The following ITGA2 variants were observed in gnomAD, a reference collection of about 807,000 sequenced individuals.
ITGA2 encodes the protein integrin alpha-2.
In ITGA2, 101 loss-of-function variants were observed where a neutral mutation model predicts 146.3. That is an observed-to-expected ratio of 0.69 (90% CI 0.59 to 0.81). The LOEUF (loss-of-function observed/expected upper bound fraction) is 0.81. ITGA2 is among the 40% of genes least tolerant of loss of function. The pLI is 0.00. For missense variants in ITGA2, 1,281 were observed against 1,402.7 expected (o/e 0.91, Z 1.39); for synonymous variants, 477 against 487.1 (o/e 0.98, Z 0.27).
intron 2 of ITGA2, among the ~76,000 whole-genome samples, chr5:53,028,421 C>A (rs1379588981): frequency 2.6e-5 from 4 of 152,092 alleles, no homozygotes; most frequent in Non-Finnish European, 4.4e-5. Context: ...GGTTGGAAAC[C>A]AAAGATTGGC....
At chr5:53,017,913 G>A (rs1348114237) in intron 1 of ITGA2, among the ~76,000 whole-genome samples, 2 of 152,112 alleles carry the variant, frequency 1.3e-5, no homozygotes, top group Admixed American at 1.3e-4. Context: ...GGCTGCGGTT[G>A]GGGAGGCTGT....
intron 3 of ITGA2, among the ~76,000 whole-genome samples, chr5:53,044,625 A>T (rs951751545): frequency 1.3e-5 from 2 of 151,986 alleles, no homozygotes; most frequent in South Asian, 4.2e-4. Context: ...GGATATTTTT[A>T]CTGACCCAGA....
chr5:53,033,764 ATTT>A (rs138567152), intron 2 of ITGA2, among the ~76,000 whole-genome samples: 94 of 135,856 alleles, frequency 6.9e-4, no homozygotes, highest in Middle Eastern at 3.9e-3. Flanking sequence ...TACTAGGCTA[ATTT>A]TTTTTTTTTT....
intron 1 of ITGA2, among the ~76,000 whole-genome samples, chr5:52,990,566 TG>T (rs1419203545): frequency 1.1e-4 from 7 of 64,912 alleles, no homozygotes; most frequent in South Asian, 9.1e-4. Flanking sequence ...AGTGTGTGTG[TG>T]GTTTTTTTTT....
rs1445375260 is a variant in ITGA2, at chr5:53,065,857, A to G, written c.1823A>G (p.Asp608Gly). 6.2e-7 allele frequency: 1 copy of G among 1,611,926 alleles called. No individual in the cohort carries two copies. The highest frequency in any genetic ancestry group is 1.1e-5 in the South Asian group (1 of 91,050). Residue 608 changes from aspartate to glycine, a missense_variant, in exon 15 of 30, where the codon GAT becomes GGT. Physicochemically the swap from Asp to Gly is moderately conservative, Grantham distance 94. Transcript: ENST00000296585. ...CTCTTTTAGAAAATCTTGGGATCCGATGGAGCCTTTAGGAGCCATCTCCAG... is the reference window on the plus strand; with the variant it reads ...CTCTTTTAGAAAATCTTGGGATCCGGTGGAGCCTTTAGGAGCCATCTCCAG... ...TKYSQKILGSDGAFRSHLQYF... is the reference protein window; with the variant it reads ...TKYSQKILGSGGAFRSHLQYF...
intron 28 of ITGA2, 63 bp from the exon 29 acceptor site, chr5:53,089,883 C>A (rs1015570819): frequency 2.5e-5 from 24 of 958,284 alleles, no homozygotes; most frequent in Non-Finnish European, 3.6e-5. Flanking sequence ...GAGAATTGGA[C>A]TAGACCATCT....
rs748727832 is a variant in ITGA2 at position 53,042,092 on chromosome 5, T to TA, written c.186-12dup. Reference sequence around the variant, plus strand: ...ACTATACTTAACACTTTGTGTCTAATAAAAAAAATGTGTTTCTAGGTTACT... The same window carrying TA: ...ACTATACTTAACACTTTGTGTCTAATAAAAAAAAATGTGTTTCTAGGTTACT... On this transcript the variant is annotated intron_variant, in intron 2 of 29. Transcript: ENST00000296585. 2.7e-5 allele frequency: 38 copies of TA among 1,425,560 alleles called. No homozygotes were observed. The highest frequency in any genetic ancestry group is 1.7e-4 in the Middle Eastern group (1 of 5,726). The allele number at this position is 1,425,560 out of a possible 1,614,324, so 88.3% of individuals were successfully genotyped here.
At chr5:53,060,363 T>C (rs1489028020) in intron 11 of ITGA2, among the ~76,000 whole-genome samples, 1 of 151,980 alleles carries the variant, frequency 6.6e-6, no homozygotes, top group African/African-American at 2.4e-5. Flanking sequence ...AAGCAGCCAC[T>C]GATTTTGCAG....
At chr5:53,015,376 T>C (rs973988101) in intron 1 of ITGA2, among the ~76,000 whole-genome samples, 18 of 152,220 alleles carry the variant, frequency 1.2e-4, no homozygotes, top group African/African-American at 3.9e-4. Context: ...AGGAGCAGGA[T>C]GTTTACTTTA....
chr5:53,017,242 T>C (rs976975332), intron 1 of ITGA2, among the ~76,000 whole-genome samples: 1 of 152,250 alleles, frequency 6.6e-6, no homozygotes, highest in Non-Finnish European at 1.5e-5. Flanking sequence ...TTGAAATTGC[T>C]ACTTTTTGGA....
intron 13 of ITGA2, among the ~76,000 whole-genome samples, chr5:53,064,247 C>G (rs1745037356): frequency 6.6e-6 from 1 of 151,720 alleles, no homozygotes; most frequent in South Asian, 2.1e-4. Context: ...TAATTTCATT[C>G]AAGATATTAG....
Position 53,058,039 on chromosome 5 carries a change from G to A in ITGA2, c.1111G>A (p.Gly371Arg), listed in dbSNP as rs1486311199. The A allele has an allele frequency of 6.2e-7, 1 of 1,610,864 alleles. No homozygotes were observed. The highest frequency in any genetic ancestry group is 1.7e-5 in the Admixed American group (1 of 59,820). The change falls in exon 10 of 30, where the codon GGA (glycine) becomes AGA (arginine). Residue 371 changes from glycine (G) to arginine (R), a missense_variant. Around this residue, in one of 3 missense-constraint regions of ITGA2, gnomAD observed 795 missense variants for 841.7 expected, o/e 0.94. Transcript: ENST00000296585. Reference sequence around the variant, plus strand: ...GAATGTTCCAGGTACTGTTCAAGGAGGAGACAACTTTCAGATGGAAATGTC... The same window carrying A: ...GAATGTTCCAGGTACTGTTCAAGGAAGAGACAACTTTCAGATGGAAATGTC... ...IFSIEGTVQG[G>R]DNFQMEMSQV...
chr5:53,051,669 C>T lies in ITGA2; in HGVS notation c.779+110C>T, dbSNP rs1744372296. On this transcript the variant is annotated intron_variant, in intron 7 of 29. Transcript: ENST00000296585. ...CAAAGAAAAATAATATACCTGGTACCTAATTTAAATCAGAACTAATAAAGA... is the reference window on the plus strand; with the variant it reads ...CAAAGAAAAATAATATACCTGGTACTTAATTTAAATCAGAACTAATAAAGA... 10 of 1,114,562 alleles carry T rather than the reference C, an allele frequency of 9.0e-6. 1 individual carries two copies. The South Asian group carries it at 1.4e-4, about 15-fold the overall frequency. The allele number at this position is 1,114,562 out of a possible 1,614,324, so 69.0% of individuals were successfully genotyped here. A position where few individuals can be genotyped will look rare whatever the true frequency, so the allele number is the denominator to read the frequency against.
chr5:53,058,204 GCCCTT>G, intron 10 of ITGA2, 103 bp downstream of exon 10: 6 of 850,454 alleles, frequency 7.1e-6, no homozygotes, highest in South Asian at 1.4e-5. Context: ...CTAGGGATCA[GCCCTT>G]CTGATTCCTA....
chr5:53,001,671 C>T (rs1440979565), intron 1 of ITGA2, among the ~76,000 whole-genome samples: 1 of 152,002 alleles, frequency 6.6e-6, no homozygotes, highest in Non-Finnish European at 1.5e-5. Context: ...TCTGTTTCTA[C>T]AAAAGAAAAA....
rs1745785517 is a variant in ITGA2, at chr5:53,078,967, T to G, written c.2928+93T>G. 5 of 775,930 alleles carry G rather than the reference T, an allele frequency of 6.4e-6. No homozygotes were observed. The Admixed American group carries it at 7.8e-5, about 12-fold the overall frequency. 48.1% of individuals were successfully genotyped at this position (775,930 alleles called of 1,614,324 possible). ...ATAAAAGGAGAAAGTAAAAAGAAAT[T>G]GAAAGAGATCCGTGGTTCTCAAACT... On this transcript the variant is annotated intron_variant, in intron 24 of 29. Coordinates refer to ENST00000296585, the MANE Select transcript of ITGA2 (RefSeq NM_002203.4).
At chr5:53,020,565 A>G (rs1579808346) in intron 1 of ITGA2, among the ~76,000 whole-genome samples, 1 of 152,122 alleles carries the variant, frequency 6.6e-6, no homozygotes, top group Non-Finnish European at 1.5e-5. Context: ...CACACTGCAA[A>G]TGATGTTGAA....
At chr5:53,003,846 C>T (rs3212398) in intron 1 of ITGA2, among the ~76,000 whole-genome samples, 116 of 152,140 alleles carry the variant, frequency 7.6e-4, no homozygotes, top group African/African-American at 2.7e-3. Context: ...AGTCTCACGA[C>T]GTTTGCCCAG....
At chr5:53,000,083 A>G (rs1741488636) in intron 1 of ITGA2, among the ~76,000 whole-genome samples, 1 of 152,190 alleles carries the variant, frequency 6.6e-6, no homozygotes, top group African/African-American at 2.4e-5. Flanking sequence ...ATACACACAC[A>G]CAATTATACA....
Sources: gnomAD v4.1 joint callset for allele counts (sites outside exome capture counted in the v4.1 genomes callset) on GRCh38, gnomAD v4.1.1 for gene constraint, gnomAD v4.1.1 regional missense constraint, MANE v1.5 for transcripts, NCBI Gene and HGNC (gene_info 2026-07-23, HGNC 2026-07-21) for gene names.